Variants in SLC24A4 observed in about 807,000 individuals in gnomAD.
SLC24A4 encodes the protein solute carrier family 24 member 4.
Under a neutral mutation model 79.0 loss-of-function variants are expected in SLC24A4, and 53 were observed. That is an observed-to-expected ratio of 0.67 (90% CI 0.54 to 0.84). The LOEUF (loss-of-function observed/expected upper bound fraction) is 0.84, where lower values mean the gene tolerates loss of function less well. Ranked by LOEUF, SLC24A4 falls within the 40% of genes least tolerant of loss-of-function variation. SLC24A4 has a pLI of 0.00. For synonymous variants in SLC24A4, 323 were observed against 323.8 expected, an observed-to-expected ratio of 1.00 and a Z score of 0.03; for missense variants, 731 against 822.0, an observed-to-expected ratio of 0.89 and a Z score of 1.35.
intron 12 of SLC24A4, among the ~76,000 whole-genome samples, chr14:92,470,700 G>A (rs1351733523): frequency 1.3e-5 from 2 of 152,140 alleles, no homozygotes; most frequent in African/African-American, 2.4e-5. Flanking sequence ...GAAGTGGGGG[G>A]CCAGGAGGGG....
chr14:92,364,467 C>T (rs1347048223), intron 2 of SLC24A4, among the ~76,000 whole-genome samples: 1 of 152,186 alleles, frequency 6.6e-6, no homozygotes, highest in Non-Finnish European at 1.5e-5. Flanking sequence ...GATAGTTACT[C>T]ATAAACACAC....
chr14:92,343,194 T>C (rs2141622412), intron 2 of SLC24A4, among the ~76,000 whole-genome samples: 1 of 152,362 alleles, frequency 6.6e-6, no homozygotes, highest in East Asian at 1.9e-4. Flanking sequence ...TGAAATGACA[T>C]AGCAGACCCA....
At chr14:92,474,379 T>G (rs1349307701) in intron 12 of SLC24A4, among the ~76,000 whole-genome samples, 1 of 152,188 alleles carries the variant, frequency 6.6e-6, no homozygotes. Context: ...GGCCCCTGCC[T>G]GCGAGGGGCT....
intron 2 of SLC24A4, among the ~76,000 whole-genome samples, chr14:92,344,707 C>G (rs4904874): frequency 0.97 from 148,160 of 152,192 alleles, 72,207 homozygotes; most frequent in East Asian, 1. Context: ...GAGAGGATTT[C>G]ATTTCAGAGA....
Position 92,323,829 on chromosome 14 carries a change from G to GGATGGCGCTCCGC in SLC24A4, c.1_13dup, listed in dbSNP as rs1329131449. The GGATGGCGCTCCGC allele has an allele frequency of 1.3e-6, 2 of 1,570,746 alleles. No homozygotes were observed. Among genetic ancestry groups the GGATGGCGCTCCGC allele is most frequent in the Admixed American group, 1.8e-5 (1 of 54,480 alleles). On this transcript the variant is annotated 5_prime_UTR_variant, in exon 1 of 17. It adds an upstream start codon to the 5' untranslated region. Coordinates refer to ENST00000532405, the MANE Select transcript of SLC24A4 (RefSeq NM_153646.4). The surrounding 1 kb of genome is among the most constrained non-coding windows in gnomAD (Gnocchi z 4.9). ...CCAGAGACGGCACCCAGGCGCTCCGGGATGGCGCTCCGCGGGACCCTCCGG... is the reference window on the plus strand; with the variant it reads ...CCAGAGACGGCACCCAGGCGCTCCGGGATGGCGCTCCGCGATGGCGCTCCGCGGGACCCTCCGG...
chr14:92,351,476 AT>A (rs527939481), intron 2 of SLC24A4, among the ~76,000 whole-genome samples: 140 of 152,326 alleles, frequency 9.2e-4, no homozygotes, highest in Non-Finnish European at 1.5e-3. Context: ...ATGAAAAAAA[AT>A]ATTTCTAAAC....
intron 11 of SLC24A4, among the ~76,000 whole-genome samples, chr14:92,454,654 TG>T (rs1260509376): frequency 3.9e-5 from 6 of 152,232 alleles, no homozygotes; most frequent in African/African-American, 1.4e-4. Context: ...GAGAAGCAGA[TG>T]GGTTGGTAGA....
At chr14:92,456,657 A>G (rs1472930593) in intron 12 of SLC24A4, 49 bp downstream of exon 12, 17 of 1,577,738 alleles carry the variant, frequency 1.1e-5, no homozygotes, top group Non-Finnish European at 1.4e-5. Context: ...TGGGGGCTCC[A>G]TTAGGACCAA....
In SLC24A4 at chr14:92,394,348, T is replaced by G. The variant is rs573378429; in HGVS notation, c.242-39564T>G. ...TGATGGCTTATGCCTATAATCCTAG[T>G]GCTTTGGGAGGCTGAGGCAGGAGGA... On this transcript the variant is annotated intron_variant, in intron 2 of 16. Coordinates refer to ENST00000532405, the MANE Select transcript of SLC24A4 (RefSeq NM_153646.4). Among the ~76,000 whole-genome samples, 5 of 151,878 alleles carry G rather than the reference T, an allele frequency of 3.3e-5. No homozygotes were observed. In the South Asian group the frequency reaches 1.0e-3, roughly 32 times the overall value.
chr14:92,404,919 C>A (rs1237911051), intron 2 of SLC24A4, among the ~76,000 whole-genome samples: 1 of 151,824 alleles, frequency 6.6e-6, no homozygotes, highest in Non-Finnish European at 1.5e-5. Flanking sequence ...TAAATACCTA[C>A]TAGGTGAAAA....
rs192685454 is a variant in SLC24A4, at chr14:92,443,383, C to T, written c.583-17C>T. The stretch of plus-strand genomic sequence containing the variant: ...CTTCTGCGCTCATAGCAGCCAACGA[C>T]GGGGCTCTGCTGGCAGGTGGTCCGT... On this transcript the variant is annotated splice_polypyrimidine_tract_variant and intron_variant, in intron 6 of 16. Transcript: ENST00000532405. 1.5e-4 allele frequency: 250 copies of T among 1,613,868 alleles called. No individual in the cohort carries two copies. The highest frequency in any genetic ancestry group is 8.2e-4 in the Admixed American group (49 of 60,018).
chr14:92,416,534 G>A (rs990077979), intron 2 of SLC24A4, among the ~76,000 whole-genome samples: 1 of 152,176 alleles, frequency 6.6e-6, no homozygotes, highest in Admixed American at 6.5e-5. Flanking sequence ...CATTCATTTT[G>A]TTGGTGTTTT....
At chr14:92,342,491 C>A (rs2141620881) in intron 2 of SLC24A4, among the ~76,000 whole-genome samples, 1 of 152,042 alleles carries the variant, frequency 6.6e-6, no homozygotes, top group East Asian at 1.9e-4. Flanking sequence ...TCAAGTGATT[C>A]TCCTGCCTCA....
intron 2 of SLC24A4, among the ~76,000 whole-genome samples, chr14:92,388,265 T>C (rs56302200): frequency 5.0e-4 from 76 of 152,226 alleles, no homozygotes; most frequent in Admixed American, 6.5e-4. Flanking sequence ...CAAGGACCTG[T>C]GTGTGAGATT....
chr14:92,500,420 C>T lies in SLC24A4; in HGVS notation c.*6792C>T, dbSNP rs192734977. 3 of 152,354 alleles carry T rather than the reference C, an allele frequency of 2.0e-5. No individual in the cohort carries two copies. The highest frequency in any genetic ancestry group is 3.9e-4 in the East Asian group (2 of 5,182). 9.4% of individuals were successfully genotyped at this position (152,354 alleles called of 1,614,324 possible). ...TTCCCAAGTCCATTCAGGACAGACG[C>T]GCAGTCCTCTTTCAATGGAAGAAGA... is the stretch of plus-strand genomic sequence containing the variant. On this transcript the variant is annotated 3_prime_UTR_variant, in exon 17 of 17. Coordinates refer to ENST00000532405, the MANE Select transcript of SLC24A4 (RefSeq NM_153646.4).
At chr14:92,478,631 G>A (rs1488521354) in intron 12 of SLC24A4, among the ~76,000 whole-genome samples, 1 of 129,254 alleles carries the variant, frequency 7.7e-6, no homozygotes, top group African/African-American at 2.9e-5. Context: ...ATCACAGTGT[G>A]TAAATTTCCC....
intron 15 of SLC24A4, 101 bp downstream of exon 15, chr14:92,491,878 T>G (rs1448960774): frequency 1.1e-6 from 1 of 908,964 alleles, no homozygotes; most frequent in Non-Finnish European, 1.8e-6. Context: ...CCTCCTCTCC[T>G]TGGCACTCAG....
chr14:92,324,791 A>G (rs1885029835), intron 1 of SLC24A4, among the ~76,000 whole-genome samples: 1 of 152,222 alleles, frequency 6.6e-6, no homozygotes, highest in South Asian at 2.1e-4. Flanking sequence ...GACAAAAGAA[A>G]TGCTGGTGAT....
intron 2 of SLC24A4, among the ~76,000 whole-genome samples, chr14:92,330,690 T>C (rs1196174570): frequency 6.6e-6 from 1 of 152,214 alleles, no homozygotes; most frequent in Non-Finnish European, 1.5e-5. Flanking sequence ...GGCTCTCTAC[T>C]TGGCTTGCAG....
Sources: gnomAD v4.1 joint callset for allele counts (sites outside exome capture counted in the v4.1 genomes callset) on GRCh38, gnomAD v4.1.1 for gene constraint, Gnocchi (gnomAD v3.1) non-coding constraint, MANE v1.5 for transcripts, NCBI Gene and HGNC (gene_info 2026-07-23, HGNC 2026-07-21) for gene names.